The following PLCXD2 variants were observed in gnomAD, a reference collection of about 807,000 sequenced individuals.
PLCXD2 encodes PI-PLC X domain-containing protein 2.
In PLCXD2, 21 loss-of-function variants were observed where a neutral mutation model predicts 28.6. That is an observed-to-expected ratio of 0.73 (90% CI 0.52 to 1.06). The LOEUF is 1.06. Among genes scored for constraint, PLCXD2 ranks in the 50% least tolerant of loss-of-function variants. The pLI is 0.00. For synonymous variants in PLCXD2, 140 were observed against 150.1 expected, an observed-to-expected ratio of 0.93 and a Z score of 0.49; for missense variants, 369 against 376.7, an observed-to-expected ratio of 0.98 and a Z score of 0.17.
chr3:111,703,261 G>C (rs1012563231), intron 1 of PLCXD2, among the ~76,000 whole-genome samples: 1 of 152,214 alleles, frequency 6.6e-6, no homozygotes, highest in African/African-American at 2.4e-5. Flanking sequence ...AGCCTAAGGT[G>C]GGGCTGGGGA....
chr3:111,724,988 G>C (rs1329493737), intron 3 of PLCXD2: 1 of 152,226 alleles, frequency 6.6e-6, no homozygotes, highest in Non-Finnish European at 1.5e-5. Context: ...TACTCAGGGG[G>C]TGTGCAGATA....
chr3:111,684,320 C>A (rs1940761156), intron 1 of PLCXD2, among the ~76,000 whole-genome samples: 2 of 141,050 alleles, frequency 1.4e-5, no homozygotes, highest in South Asian at 2.2e-4. Flanking sequence ...CAGAGTGAGA[C>A]TCCATCTAAA....
At chr3:111,715,960 T>A (rs147667624) in intron 3 of PLCXD2, among the ~76,000 whole-genome samples, 10 of 152,214 alleles carry the variant, frequency 6.6e-5, no homozygotes, top group Non-Finnish European at 1.0e-4. Flanking sequence ...AAAACTTTAA[T>A]CTGGCTGCAA....
chr3:111,723,200 G>A (rs1250337610), intron 3 of PLCXD2: 3 of 152,288 alleles, frequency 2.0e-5, no homozygotes, highest in Admixed American at 1.3e-4. Flanking sequence ...AAAGAGATAA[G>A]GAGGCAAGAG....
chr3:111,706,103 C>G (rs1428094389), intron 1 of PLCXD2, among the ~76,000 whole-genome samples: 1 of 152,186 alleles, frequency 6.6e-6, no homozygotes, highest in Non-Finnish European at 1.5e-5. Context: ...AAGCGATCCA[C>G]CAGTCTCAGC....
intron 1 of PLCXD2, among the ~76,000 whole-genome samples, chr3:111,677,822 G>C (rs946539605): frequency 2.6e-5 from 4 of 152,126 alleles, no homozygotes; most frequent in African/African-American, 2.4e-5. Flanking sequence ...AGTGGTATTT[G>C]TCTAAGTGAT....
At chr3:111,678,388 A>C (rs1462188235) in intron 1 of PLCXD2, among the ~76,000 whole-genome samples, 1 of 152,242 alleles carries the variant, frequency 6.6e-6, no homozygotes, top group Non-Finnish European at 1.5e-5. Context: ...TTTAAATTAA[A>C]GCTTTAAACT....
chr3:111,703,682 G>A (rs1052884190), intron 1 of PLCXD2, among the ~76,000 whole-genome samples: 3 of 152,180 alleles, frequency 2.0e-5, no homozygotes, highest in Non-Finnish European at 4.4e-5. Context: ...TATATCTAAT[G>A]TATTCATAAT....
chr3:111,722,194 T>G (rs1241964651), intron 3 of PLCXD2: 12 of 151,654 alleles, frequency 7.9e-5, no homozygotes, highest in African/African-American at 2.4e-4. Context: ...TTTATTTATT[T>G]ATTTATTTAT....
At chr3:111,680,156 G>C (rs1339522990) in intron 1 of PLCXD2, among the ~76,000 whole-genome samples, 1 of 152,038 alleles carries the variant, frequency 6.6e-6, no homozygotes, top group Non-Finnish European at 1.5e-5. Context: ...TCTTCCTCCT[G>C]TGGCCGCACA....
chr3:111,719,686 G>T (rs938345872), intron 3 of PLCXD2, among the ~76,000 whole-genome samples: 1 of 152,132 alleles, frequency 6.6e-6, no homozygotes, highest in Admixed American at 6.5e-5. Flanking sequence ...TTTAAAACAG[G>T]CAAATCTAAT....
At chr3:111,724,954 C>T (rs1941396302) in intron 3 of PLCXD2, 1 of 152,194 alleles carries the variant, frequency 6.6e-6, no homozygotes, top group African/African-American at 2.4e-5. Flanking sequence ...CATAAGGTCC[C>T]TAATGATTAG....
At chr3:111,691,577 A>G (rs902073109) in intron 1 of PLCXD2, 1 of 152,258 alleles carries the variant, frequency 6.6e-6, no homozygotes, top group Non-Finnish European at 1.5e-5. Context: ...ATTTTCCTGC[A>G]CTGGCAGGGA....
chr3:111,688,468 C>T (rs1940827656), intron 1 of PLCXD2, among the ~76,000 whole-genome samples: 1 of 152,216 alleles, frequency 6.6e-6, no homozygotes, highest in South Asian at 2.1e-4. Context: ...GACAGTACCA[C>T]ACAAAGTACT....
chr3:111,721,170 T>C (rs2107876058), intron 3 of PLCXD2: 1 of 197,110 alleles, frequency 5.1e-6, no homozygotes, highest in East Asian at 1.1e-4. Flanking sequence ...AATTTGGAAA[T>C]AGGATCTCTA....
At chr3:111,706,306 C>G (rs1269430347) in intron 1 of PLCXD2, among the ~76,000 whole-genome samples, 4 of 152,098 alleles carry the variant, frequency 2.6e-5, no homozygotes, top group Non-Finnish European at 4.4e-5. Flanking sequence ...TAAATATTTT[C>G]TCCCATTCTA....
intron 2 of PLCXD2, among the ~76,000 whole-genome samples, chr3:111,708,790 C>T (rs567936532): frequency 2.6e-5 from 4 of 152,234 alleles, no homozygotes; most frequent in African/African-American, 7.2e-5. Context: ...GCCAAGGTAT[C>T]GACTGATTAG....
At chr3:111,705,064 G>A (rs189359309) in intron 1 of PLCXD2, among the ~76,000 whole-genome samples, 16 of 152,060 alleles carry the variant, frequency 1.1e-4, no homozygotes, top group East Asian at 5.8e-4. Flanking sequence ...TGATCTGCCC[G>A]CCTCGGCCTC....
intron 2 of PLCXD2, among the ~76,000 whole-genome samples, 170 bp downstream of exon 2, chr3:111,708,556 G>C (rs1941154661): frequency 6.6e-6 from 1 of 152,162 alleles, no homozygotes; most frequent in African/African-American, 2.4e-5. Flanking sequence ...ATAGGTTCAA[G>C]GGCCAGGGCT....
Sources: gnomAD v4.1 joint callset for allele counts (sites outside exome capture counted in the v4.1 genomes callset) on GRCh38, gnomAD v4.1.1 for gene constraint, MANE v1.5 for transcripts, NCBI Gene and HGNC (gene_info 2026-07-23, HGNC 2026-07-21) for gene names.